The following SPTBN5 variants were observed in gnomAD, a reference collection of about 807,000 sequenced individuals.
SPTBN5 encodes the protein spectrin beta, non-erythrocytic 5, also known as spectrin beta chain, non-erythrocytic 5.
In SPTBN5, 513 loss-of-function variants were observed where a neutral mutation model predicts 477.6. The observed-to-expected ratio is 1.07, with a 90% CI of 1.00 to 1.16. The LOEUF (loss-of-function observed/expected upper bound fraction) is 1.16, where lower values mean the gene tolerates loss of function less well. Among genes scored for constraint, SPTBN5 ranks in the 50% most tolerant of loss-of-function variants. The pLI is 0.00. For synonymous variants in SPTBN5, 2,169 were observed against 2,011.7 expected (o/e 1.08, Z -2.09); for missense variants, 5,062 against 4,731.8 (o/e 1.07, Z -2.05).
intron 49 of SPTBN5, 128 bp from the exon 50 acceptor site, chr15:41,857,838 C>CTT (rs541489393): frequency 1.8e-6 from 2 of 1,104,406 alleles, no homozygotes; most frequent in Non-Finnish European, 2.5e-6. Flanking sequence ...TCTTGAGCAA[C>CTT]TTTCTTTACC....
chr15:41,883,100 T>A lies in SPTBN5; in HGVS notation c.1788A>T (p.Thr596=). 1 of 1,609,196 alleles carries A rather than the reference T, an allele frequency of 6.2e-7. No individual in the cohort carries two copies. Among genetic ancestry groups the A allele is most frequent in the African/African-American group, 1.3e-5 (1 of 75,006 alleles). ...TGCCCAGGGAGGAGTCCAGCTCTGC[T>A]GTCTGCTGAGCAAGATGGCTCACAT... is the stretch of plus-strand genomic sequence containing the variant. ...GAHVSHLAQQ[T]AELDSSLGTS... Residue 596 remains threonine, a synonymous_variant, in exon 9 of 68, where the codon ACA becomes ACT. Transcript: ENST00000320955.
At chr15:41,855,837 A>T in intron 53 of SPTBN5, 92 bp from the exon 54 acceptor site, 1 of 1,346,728 alleles carries the variant, frequency 7.4e-7, no homozygotes, top group Non-Finnish European at 9.9e-7. Flanking sequence ...TGCACAGGGG[A>T]ATCACCTGGG....
At position 41,858,767 on chromosome 15, in the gene SPTBN5, C is replaced by T. The variant is rs775570266; in HGVS notation, c.8080-19G>A. 10 of 1,605,702 alleles carry T rather than the reference C, an allele frequency of 6.2e-6. No individual in the cohort carries two copies. The highest frequency in any genetic ancestry group is 3.4e-5 in the Admixed American group (2 of 59,288). On this transcript the variant is annotated intron_variant, in intron 48 of 67. Coordinates refer to ENST00000320955, the MANE Select transcript of SPTBN5 (RefSeq NM_016642.4). ...CAGCCACCTGGGCACATGGGGAGGA[C>T]AGGCCTGCTGTCCAGGGCTTTCCCC...
chr15:41,870,568 CG>C lies in SPTBN5; in HGVS notation c.5448-9del. 6.2e-7 allele frequency: 1 copy of C among 1,603,148 alleles called. No individual in the cohort carries two copies. ...AGCTCCGACCAGGCGGTCCTGCCCACGGCGTGTGGAAGACCAGCCGGGGATC... is the reference window on the plus strand; with the variant it reads ...AGCTCCGACCAGGCGGTCCTGCCCACGCGTGTGGAAGACCAGCCGGGGATC... On this transcript the variant is annotated splice_polypyrimidine_tract_variant and intron_variant, in intron 29 of 67. Transcript: ENST00000320955.
rs757906784 is a variant in SPTBN5 at position 41,886,242 on chromosome 15, A to G, written c.1013T>C (p.Leu338Pro). Residue 338 changes from leucine (L) to proline (P), a missense_variant, in exon 7 of 68, where the codon CTG (leucine) becomes CCG (proline). Physicochemically the swap from Leu to Pro is moderately conservative, Grantham distance 98 (BLOSUM62 -3). Transcript: ENST00000320955. ...TGCCAGTAGCTGCCGCATGGCGGGCAGCGAGTCTGGAAAATCCCGCGCCTC... is the reference window on the plus strand; with the variant it reads ...TGCCAGTAGCTGCCGCATGGCGGGCGGCGAGTCTGGAAAATCCCGCGCCTC... ...QLEARDFPDS[L>P]PAMRQLLAAF... is the part of the protein sequence containing the mutation. The G allele has an allele frequency of 6.2e-7, 1 of 1,613,148 alleles. No individual in the cohort carries two copies. The highest frequency in any genetic ancestry group is 1.7e-5 in the Admixed American group (1 of 60,026).
Position 41,874,876 on chromosome 15 carries a change from C to T in SPTBN5, c.4468G>A (p.Ala1490Thr). ...TGCTTCTGGGTCTCTTCCAGGATGG[C>T]CGGGGAGGCGGCCATGCCATGGGCC... ...SMAHGMAASPAILEETQKHLR... is the reference protein window; with the variant it reads ...SMAHGMAASPTILEETQKHLR... The change falls in exon 23 of 68, where the codon GCC becomes ACC. Residue 1490 changes from alanine (A) to threonine (T), a missense_variant. By Grantham distance (58) the Ala-to-Thr change is moderately conservative. Coordinates refer to ENST00000320955, the MANE Select transcript of SPTBN5 (RefSeq NM_016642.4). 6.2e-7 allele frequency: 1 copy of T among 1,611,476 alleles called. No individual in the cohort carries two copies. Among genetic ancestry groups the T allele is most frequent in the Non-Finnish European group, 8.5e-7 (1 of 1,178,782 alleles).
At chr15:41,881,359 G>A in intron 12 of SPTBN5, 125 bp from the exon 13 acceptor site, 1 of 752,678 alleles carries the variant, frequency 1.3e-6, no homozygotes, top group Non-Finnish European at 2.1e-6. Flanking sequence ...AGGGTGTGTG[G>A]GACATGGGTC....
chr15:41,875,719 G>C (rs2066701929), intron 21 of SPTBN5, 97 bp from the exon 22 acceptor site: 2 of 1,301,574 alleles, frequency 1.5e-6, no homozygotes, highest in East Asian at 5.1e-5. Context: ...AGGTGAGGGG[G>C]TGACCACAGC....
At chr15:41,851,217 C>T in intron 64 of SPTBN5, 66 bp downstream of exon 64, 1 of 1,569,076 alleles carries the variant, frequency 6.4e-7, no homozygotes, top group Non-Finnish European at 8.7e-7. Context: ...GTCCCTCTGT[C>T]CTGGGGCCCC....
At position 41,876,585 on chromosome 15, in the gene SPTBN5, T is replaced by G. The variant is rs2066737233; in HGVS notation, c.3914A>C (p.Gln1305Pro). The change falls in exon 20 of 68, where the codon CAG (glutamine) becomes CCG (proline). Residue 1305 changes from glutamine (Q) to proline (P), a missense_variant. By Grantham distance (76) the Gln-to-Pro change is moderately conservative. Transcript: ENST00000320955. ...QWTRLQGRSEQRRRQLLASLQ... is the reference protein window; with the variant it reads ...QWTRLQGRSEPRRRQLLASLQ... ...GGAAGCCAGCAACTGCCTCCTCCTC[T>G]GCTCACTCCTCCCCTGGAGCCTGGT... The G allele has an allele frequency of 6.3e-7, 1 of 1,597,336 alleles. No homozygotes were observed. The highest frequency in any genetic ancestry group is 1.1e-5 in the South Asian group (1 of 89,498).
intron 67 of SPTBN5, among the ~76,000 whole-genome samples, chr15:41,849,103 G>C (rs1397099212): frequency 6.6e-6 from 1 of 152,214 alleles, no homozygotes; most frequent in African/African-American, 2.4e-5. Flanking sequence ...GCACATCCTG[G>C]CATGGGGCCC....
rs1427415214 is a variant in SPTBN5 at position 41,877,245 on chromosome 15, C to CT, written c.3581dup (p.Val1195GlyfsTer110). 6.2e-7 allele frequency: 1 copy of CT among 1,613,896 alleles called. No homozygotes were observed. Among genetic ancestry groups the CT allele is most frequent in the Non-Finnish European group, 8.5e-7 (1 of 1,179,914 alleles). ...ACTGCTGCCTCTGCTCCCACAAAAC[C>CT]TTCAGCTCCTGGCCCTGCTGCCCCA... On this transcript the variant is annotated frameshift_variant, in exon 18 of 68. Transcript: ENST00000320955. LOFTEE classifies it high-confidence loss of function.
Position 41,851,765 on chromosome 15 carries a change from C to A in SPTBN5, c.10656+14G>T. Reference sequence around the variant, plus strand: ...GTGGGGAGCTGCCTGGAGAAGGAATCTCCAGGCACTCACCTGCCTCCCGCC... The same window carrying A: ...GTGGGGAGCTGCCTGGAGAAGGAATATCCAGGCACTCACCTGCCTCCCGCC... On this transcript the variant is annotated intron_variant, in intron 63 of 67. Coordinates refer to ENST00000320955, the MANE Select transcript of SPTBN5 (RefSeq NM_016642.4). 6.2e-7 allele frequency: 1 copy of A among 1,603,702 alleles called. No homozygotes were observed. Among genetic ancestry groups the A allele is most frequent in the Non-Finnish European group, 8.5e-7 (1 of 1,173,982 alleles).
At chr15:41,858,565 G>A (rs1208642981) in intron 49 of SPTBN5, 37 bp downstream of exon 49, 2 of 1,596,880 alleles carry the variant, frequency 1.3e-6, no homozygotes, top group East Asian at 2.2e-5. Flanking sequence ...TCTGCCTGGA[G>A]AGCTGTCCCA....
At chr15:41,893,875 T>C in intron 1 of SPTBN5, 24 bp downstream of exon 1, 1 of 286,156 alleles carries the variant, frequency 3.5e-6, no homozygotes, top group Non-Finnish European at 6.7e-6. Context: ...CGGATGGAGA[T>C]GGTAGATAGC....
chr15:41,875,166 C>T, intron 22 of SPTBN5, 110 bp from the exon 23 acceptor site: 1 of 1,066,540 alleles, frequency 9.4e-7, no homozygotes, highest in Non-Finnish European at 1.3e-6. Context: ...CCAGGGAGCT[C>T]TGTCCCCACC....
In SPTBN5 at chr15:41,876,140, G is replaced by C. The variant is rs769531931; in HGVS notation, c.4096C>G (p.Arg1366Gly). 6.2e-7 allele frequency: 1 copy of C among 1,602,996 alleles called. No homozygotes were observed. The highest frequency in any genetic ancestry group is 8.5e-7 in the Non-Finnish European group (1 of 1,179,174). ...EAAESELLAT[R>G]RHVEALQQVG... ...TGCTGCAGGGCCTCCACGTGTCTGC[G>C]GGTGGCGAGTAGCTCGCTCTCAGCT... Residue 1366 changes from arginine (R) to glycine (G), a missense_variant, in exon 21 of 68, where the codon CGC (arginine) becomes GGC (glycine). By Grantham distance (125) the Arg-to-Gly change is moderately radical. Transcript: ENST00000320955.
Position 41,858,962 on chromosome 15 carries a change from C to A in SPTBN5, c.8007G>T (p.Arg2669Ser). The A allele has an allele frequency of 6.4e-7, 1 of 1,573,742 alleles. No homozygotes were observed. Among genetic ancestry groups the A allele is most frequent in the Non-Finnish European group, 8.6e-7 (1 of 1,159,196 alleles). ...AMLLRKEALFRQAGTRRHRLE... is the reference protein window; with the variant it reads ...AMLLRKEALFSQAGTRRHRLE... ...GGCGATGGCGGCGGGTCCCGGCTTG[C>A]CTGAAGAGCGCCTCCTTCCTGCCAG... is the stretch of plus-strand genomic sequence containing the variant. The change falls in exon 48 of 68, where the codon AGG becomes AGT. Residue 2669 changes from arginine to serine, a missense_variant. Transcript: ENST00000320955.
intron 67 of SPTBN5, among the ~76,000 whole-genome samples, chr15:41,849,386 G>C (rs537297481): frequency 3.9e-4 from 60 of 152,340 alleles, no homozygotes; most frequent in African/African-American, 1.3e-3. Context: ...GTGGGGATTG[G>C]GGAAAGCAGG....
Sources: allele counts gnomAD v4.1 joint callset (sites outside exome capture counted in the v4.1 genomes callset), GRCh38; gene constraint gnomAD v4.1.1; transcripts MANE v1.5; gene names NCBI Gene and HGNC (gene_info 2026-07-23, HGNC 2026-07-21).